Variants in ERICH6B observed in about 807,000 individuals in gnomAD.
ERICH6B encodes the protein glutamate-rich protein 6B.
A neutral mutation model predicts 80.0 loss-of-function variants in ERICH6B; 69 were observed. The ratio of observed to expected loss-of-function variants is 0.86; its 90% CI spans 0.71 to 1.05. The LOEUF (loss-of-function observed/expected upper bound fraction) is 1.05. Among genes scored for constraint, ERICH6B ranks in the 50% least tolerant of loss-of-function variants. ERICH6B has a pLI of 0.00. For missense variants in ERICH6B, 754 were observed against 796.1 expected, an observed-to-expected ratio of 0.95 and a Z score of 0.64; for synonymous variants, 283 against 291.9, an observed-to-expected ratio of 0.97 and a Z score of 0.31.
At chr13:45,575,366 A>G (rs563330704) in intron 7 of ERICH6B, among the ~76,000 whole-genome samples, 22 of 152,320 alleles carry the variant, frequency 1.4e-4, no homozygotes, top group African/African-American at 5.1e-4. Flanking sequence ...GGGGAACCCT[A>G]TGGTATGCTC....
At chr13:45,607,437 C>T (rs1198503336) in intron 2 of ERICH6B, 127 bp downstream of exon 2, 4 of 152,198 alleles carry the variant, frequency 2.6e-5, no homozygotes, top group Non-Finnish European at 5.9e-5. Flanking sequence ...TCTATTTTGA[C>T]ATGGCTGTTT....
At chr13:45,572,332 C>A (rs775273654) in intron 8 of ERICH6B, among the ~76,000 whole-genome samples, 6 of 152,164 alleles carry the variant, frequency 3.9e-5, no homozygotes, top group Non-Finnish European at 5.9e-5. Flanking sequence ...AATCTTCCTG[C>A]CCTCAGCCTC....
At chr13:45,608,596 G>A (rs1470106249) in intron 1 of ERICH6B, among the ~76,000 whole-genome samples, 1 of 152,150 alleles carries the variant, frequency 6.6e-6, no homozygotes, top group East Asian at 1.9e-4. Flanking sequence ...TTGTTAATCT[G>A]ACTTTTGTTT....
intron 2 of ERICH6B, among the ~76,000 whole-genome samples, chr13:45,597,730 A>AT (rs149088589): frequency 4.2e-4 from 64 of 152,064 alleles, no homozygotes; most frequent in African/African-American, 1.4e-3. Flanking sequence ...TGTCCTCTAT[A>AT]TTTTTTTTAT....
rs982079668 is a variant in ERICH6B, at chr13:45,603,457, A to G, written c.-59+4107T>C. Among the ~76,000 whole-genome samples, 3 of 152,164 alleles carry G rather than the reference A, an allele frequency of 2.0e-5. No individual in the cohort carries two copies. The East Asian group carries it at 5.8e-4, about 29-fold the overall frequency. On this transcript the variant is annotated intron_variant, in intron 2 of 14. Transcript: ENST00000298738. ...TGTGATAGCTCCCCTCTCCCAGATG[A>G]AGCCAAAGCCCTTTCAGTGCCTGCA...
At chr13:45,568,488 G>A (rs1875018734) in intron 8 of ERICH6B, 37 bp from the exon 9 acceptor site, 1 of 1,449,358 alleles carries the variant, frequency 6.9e-7, no homozygotes, top group Admixed American at 2.7e-5. Flanking sequence ...TTCAGAAAAT[G>A]GAAATTAATG....
Position 45,571,503 on chromosome 13 carries a change from G to T in ERICH6B, c.1051-3052C>A, listed in dbSNP as rs368034410. Reference sequence around the variant, plus strand: ...GTTTTTATGAGTTGGGGGACAGGGGGTATTGTCTACCTGCAGTAGTCAGAC... The same window carrying T: ...GTTTTTATGAGTTGGGGGACAGGGGTTATTGTCTACCTGCAGTAGTCAGAC... On this transcript the variant is annotated intron_variant, in intron 8 of 14. Transcript: ENST00000298738. 1.1e-3 allele frequency among the ~76,000 whole-genome samples: 174 copies of T among 152,244 alleles called. 2 individuals are homozygous for T. Among genetic ancestry groups the T allele is most frequent in the African/African-American group, 3.9e-3 (160 of 41,550 alleles).
intron 11 of ERICH6B, among the ~76,000 whole-genome samples, chr13:45,550,928 G>T (rs989524332): frequency 6.6e-6 from 1 of 152,292 alleles, no homozygotes; most frequent in South Asian, 2.1e-4. Flanking sequence ...TTCCAGATAA[G>T]GTCACATTCT....
At chr13:45,589,571 A>C (rs1876072443) in intron 4 of ERICH6B, among the ~76,000 whole-genome samples, 1 of 152,166 alleles carries the variant, frequency 6.6e-6, no homozygotes, top group Non-Finnish European at 1.5e-5. Context: ...CCCATTTTAC[A>C]GATGAGGAAA....
At chr13:45,601,545 C>G (rs1949827765) in intron 2 of ERICH6B, among the ~76,000 whole-genome samples, 1 of 152,188 alleles carries the variant, frequency 6.6e-6, no homozygotes, top group Admixed American at 6.5e-5. Flanking sequence ...CTCCCTACCT[C>G]TCATATTTTT....
At chr13:45,545,006 T>A in intron 13 of ERICH6B, 21 bp from the exon 14 acceptor site, 1 of 1,545,392 alleles carries the variant, frequency 6.5e-7, no homozygotes. Flanking sequence ...AGAAAGCATG[T>A]CAGGCAGCCA....
At position 45,576,347 on chromosome 13, in the gene ERICH6B, C is replaced by T. The variant is rs1875402884; in HGVS notation, c.962-1417G>A. Reference sequence around the variant, plus strand: ...CACTTCCCACAGGTGCACACAATGCCACCCCCACTGGGGTACCCACAACAG... The same window carrying T: ...CACTTCCCACAGGTGCACACAATGCTACCCCCACTGGGGTACCCACAACAG... On this transcript the variant is annotated intron_variant, in intron 7 of 14. Transcript: ENST00000298738. Among the ~76,000 whole-genome samples, 2 of 152,236 alleles carry T rather than the reference C, an allele frequency of 1.3e-5. 1 individual carries two copies. Among genetic ancestry groups the T allele is most frequent in the Non-Finnish European group, 2.9e-5 (2 of 68,038 alleles).
At position 45,596,673 on chromosome 13, in the gene ERICH6B, T is replaced by C. The variant is rs1159237197; in HGVS notation, c.333A>G (p.Glu111=). The C allele has an allele frequency of 1.9e-6, 3 of 1,547,600 alleles. No homozygotes were observed. The East Asian group carries it at 7.4e-5, about 38-fold the overall frequency. ...CTTCCTTCCCCAGATACTCTTCCTC[T>C]TCAATATACTCTTCCTCCTCCAGAT... ...AGYLEEEEYI[E]EEEYLGKEGY... is the part of the protein sequence containing the mutation. The change falls in exon 3 of 15, where the codon GAA becomes GAG. Residue 111 remains glutamate, a synonymous_variant. Transcript: ENST00000298738.
intron 11 of ERICH6B, among the ~76,000 whole-genome samples, chr13:45,553,601 T>C (rs78600633): frequency 0.017 from 2,602 of 152,254 alleles, 34 homozygotes; most frequent in Middle Eastern, 0.034. Context: ...TTCCACAGCA[T>C]ACTGACCTTA....
chr13:45,576,538 TAG>T (rs1284856828), intron 7 of ERICH6B, among the ~76,000 whole-genome samples: 1 of 151,930 alleles, frequency 6.6e-6, no homozygotes, highest in African/African-American at 2.4e-5. Context: ...TGGGTGGCAT[TAG>T]AGAGGAGAAA....
At chr13:45,574,986 A>T in intron 7 of ERICH6B, 56 bp from the exon 8 acceptor site, 1 of 1,195,678 alleles carries the variant, frequency 8.4e-7, no homozygotes, top group Non-Finnish European at 1.2e-6. Flanking sequence ...AAAACCAAAA[A>T]CATAAAAAAT....
At chr13:45,561,269 G>A (rs1874660754) in intron 11 of ERICH6B, 100 bp downstream of exon 11, 1 of 1,213,370 alleles carries the variant, frequency 8.2e-7, no homozygotes, top group South Asian at 1.6e-5. Flanking sequence ...TTTACATTGT[G>A]TGTTGTTCCT....
At chr13:45,596,003 A>G (rs1876351938) in intron 3 of ERICH6B, among the ~76,000 whole-genome samples, 1 of 152,212 alleles carries the variant, frequency 6.6e-6, no homozygotes, top group Non-Finnish European at 1.5e-5. Context: ...TGTAATATGA[A>G]AAAGGAAAGA....
At chr13:45,565,081 G>C (rs1315099427) in intron 9 of ERICH6B, among the ~76,000 whole-genome samples, 1 of 152,144 alleles carries the variant, frequency 6.6e-6, no homozygotes, top group Non-Finnish European at 1.5e-5. Context: ...TGGGAAGAGA[G>C]GGAGAAAATG....
Sources: gnomAD v4.1 joint callset for allele counts (sites outside exome capture counted in the v4.1 genomes callset) on GRCh38, gnomAD v4.1.1 for gene constraint, MANE v1.5 for transcripts, NCBI Gene and HGNC (gene_info 2026-07-23, HGNC 2026-07-21) for gene names.